CYRIB: variants seen among roughly 807,000 people sequenced by gnomAD.
CYRIB encodes CYFIP related Rac1 interactor B.
A neutral mutation model predicts 44.2 loss-of-function variants in CYRIB; 8 were observed. That is an observed-to-expected ratio of 0.18 (90% CI 0.11 to 0.33). The LOEUF is 0.33. CYRIB is among the 10% of genes least tolerant of loss of function. The pLI is 1.00. For missense variants in CYRIB, 185 were observed against 382.8 expected, an observed-to-expected ratio of 0.48 and a Z score of 4.31; for synonymous variants, 131 against 127.2, an observed-to-expected ratio of 1.03 and a Z score of -0.20.
chr8:129,860,110 C>T (rs2048567365), intron 5 of CYRIB, among the ~76,000 whole-genome samples: 1 of 152,194 alleles, frequency 6.6e-6, no homozygotes, highest in African/African-American at 2.4e-5. Context: ...TCTGAAGGAT[C>T]ATGTGTGTCT....
At chr8:129,887,314 T>C (rs2063175469) in intron 2 of CYRIB, among the ~76,000 whole-genome samples, 2 of 152,336 alleles carry the variant, frequency 1.3e-5, no homozygotes, top group African/African-American at 4.8e-5. Flanking sequence ...TGATGGGTGT[T>C]AGGCCTGCAG....
chr8:130,011,347 C>G (rs140800796), intron 1 of CYRIB, among the ~76,000 whole-genome samples: 4,453 of 151,900 alleles, frequency 0.029, 100 homozygotes, highest in East Asian at 0.075. Flanking sequence ...ATGGGGAAAC[C>G]CTGTCTCTAC....
At chr8:129,941,149 C>T (rs1264766642), upstream of CYRIB, among the ~76,000 whole-genome samples, 1 of 152,024 alleles carries the variant, frequency 6.6e-6, no homozygotes. Flanking sequence ...TTTTTCAAGG[C>T]ACACACTAAG....
chr8:129,857,077 G>A (rs2046555235), intron 5 of CYRIB, among the ~76,000 whole-genome samples: 1 of 152,154 alleles, frequency 6.6e-6, no homozygotes, highest in Admixed American at 6.5e-5. Flanking sequence ...TCTCATCCAT[G>A]TAATAACTCT....
chr8:129,888,618 C>A (rs746676707), intron 2 of CYRIB, among the ~76,000 whole-genome samples: 9 of 152,132 alleles, frequency 5.9e-5, no homozygotes, highest in Non-Finnish European at 1.3e-4. Context: ...CCTCTCTATC[C>A]CCTTCCCAAA....
chr8:129,980,227 C>CAAAA (rs58630436), intron 1 of CYRIB, among the ~76,000 whole-genome samples: 5 of 91,732 alleles, frequency 5.5e-5, no homozygotes, highest in Non-Finnish European at 9.2e-5. Context: ...GACTCCATCT[C>CAAAA]AAAAAAAAAA....
chr8:129,940,235 G>A (rs1182680802), upstream of CYRIB, among the ~76,000 whole-genome samples: 5 of 152,124 alleles, frequency 3.3e-5, no homozygotes, highest in Non-Finnish European at 7.4e-5. Flanking sequence ...TGAGCCCTGC[G>A]AAGTTGCCAT....
upstream of CYRIB, among the ~76,000 whole-genome samples, chr8:129,942,336 C>CA (rs1389594751): frequency 1.3e-5 from 2 of 152,052 alleles, no homozygotes; most frequent in African/African-American, 4.8e-5. Flanking sequence ...AAACACGTCT[C>CA]AAAAAATAAT....
intron 2 of CYRIB, among the ~76,000 whole-genome samples, chr8:129,883,282 C>T (rs567231962): frequency 6.6e-6 from 1 of 152,078 alleles, no homozygotes; most frequent in Non-Finnish European, 1.5e-5. Context: ...CCACTAGATA[C>T]TAGCAGCTAC....
intron 3 of CYRIB, among the ~76,000 whole-genome samples, chr8:129,873,570 T>C (rs563342425): frequency 2.6e-4 from 40 of 152,090 alleles, no homozygotes; most frequent in African/African-American, 9.6e-4. Flanking sequence ...ACATCAATAG[T>C]AGACACGTAT....
chr8:129,889,420 T>C (rs1306480426), intron 2 of CYRIB, among the ~76,000 whole-genome samples: 1 of 152,208 alleles, frequency 6.6e-6, no homozygotes, highest in African/African-American at 2.4e-5. Context: ...GTCTTATTAT[T>C]TAAGAAATAC....
intron 2 of CYRIB, among the ~76,000 whole-genome samples, chr8:129,956,259 C>A (rs2094825222): frequency 6.6e-6 from 1 of 152,230 alleles, no homozygotes; most frequent in African/African-American, 2.4e-5. Flanking sequence ...CCATTATCCC[C>A]ACCCCTTCTC....
intron 2 of CYRIB, among the ~76,000 whole-genome samples, chr8:129,949,625 T>C (rs2131266908): frequency 6.6e-6 from 1 of 151,982 alleles, no homozygotes; most frequent in South Asian, 2.1e-4. Flanking sequence ...CCCAGCACTT[T>C]GGGAGGCCGA....
chr8:129,925,615 C>G (rs2087144201), intron 1 of CYRIB, among the ~76,000 whole-genome samples: 1 of 152,156 alleles, frequency 6.6e-6, no homozygotes, highest in South Asian at 2.1e-4. Context: ...ATGGGAAACA[C>G]AGATCTCTTA....
At chr8:129,932,456 A>C (rs1342611030) in intron 1 of CYRIB, among the ~76,000 whole-genome samples, 5 of 152,092 alleles carry the variant, frequency 3.3e-5, no homozygotes, top group Non-Finnish European at 5.9e-5. Context: ...GGTTCCCTTA[A>C]CTCAGGGCTT....
intron 2 of CYRIB, among the ~76,000 whole-genome samples, chr8:129,885,701 G>C (rs1588599359): frequency 1.3e-5 from 2 of 152,108 alleles, no homozygotes; most frequent in Admixed American, 1.3e-4. Context: ...ACTGCCTGTT[G>C]TTGAAAGCTG....
At chr8:129,918,720 C>T (rs1356385968) in intron 1 of CYRIB, among the ~76,000 whole-genome samples, 2 of 152,200 alleles carry the variant, frequency 1.3e-5, no homozygotes, top group Non-Finnish European at 2.9e-5. Flanking sequence ...GCACTAAGCA[C>T]AATGCCTGAA....
chr8:130,009,421 A>T (rs2097173017), intron 1 of CYRIB, among the ~76,000 whole-genome samples: 1 of 151,970 alleles, frequency 6.6e-6, no homozygotes, highest in Non-Finnish European at 1.5e-5. Flanking sequence ...GTGCCAGCCA[A>T]CACGCCCAGC....
At chr8:129,881,084 A>C (rs1478620130) in intron 2 of CYRIB, among the ~76,000 whole-genome samples, 1 of 152,086 alleles carries the variant, frequency 6.6e-6, no homozygotes, top group African/African-American at 2.4e-5. Context: ...TTAAAAGTTA[A>C]CACAGCAAAC....
Sources: gnomAD v4.1 joint callset for allele counts (sites outside exome capture counted in the v4.1 genomes callset) on GRCh38, gnomAD v4.1.1 for gene constraint, MANE v1.5 for transcripts, NCBI Gene and HGNC (gene_info 2026-07-23, HGNC 2026-07-21) for gene names.